Variants in RASL12 observed in about 807,000 individuals in gnomAD.
The protein encoded by RASL12 is RAS like family 12, also known as ras-like protein family member 12.
A neutral mutation model predicts 22.9 loss-of-function variants in RASL12; 16 were observed. The observed-to-expected ratio is 0.70, with a 90% confidence interval of 0.47 to 1.06. RASL12 has a LOEUF of 1.06. RASL12 is among the 50% of genes least tolerant of loss of function. The pLI is 0.00. For missense variants in RASL12, 306 were observed against 353.1 expected (o/e 0.87, Z 1.07); for synonymous variants, 159 against 152.2 (o/e 1.04, Z -0.33).
intron 2 of RASL12, among the ~76,000 whole-genome samples, chr15:65,061,846 T>G (rs1242343457): frequency 1.3e-5 from 2 of 151,936 alleles, no homozygotes; most frequent in African/African-American, 4.8e-5. Context: ...TCAGGAGTTC[T>G]AGACCATCCT....
chr15:65,051,016 G>A (rs147806139), downstream of RASL12, among the ~76,000 whole-genome samples: 59 of 151,662 alleles, frequency 3.9e-4, no homozygotes, highest in African/African-American at 1.4e-3. Context: ...GCTAATTTTT[G>A]TATTTTTAGT....
At chr15:65,068,203 C>G (rs988086660), upstream of RASL12, 2 of 992,952 alleles carry the variant, frequency 2.0e-6, no homozygotes, top group Non-Finnish European at 2.4e-6. This position sits in a 1 kb window ranked among gnomAD's most constrained non-coding sequence, Gnocchi z 4.2. Flanking sequence ...CAAACCCGGC[C>G]GGGAAGGAGC....
intron 1 of RASL12, among the ~76,000 whole-genome samples, chr15:65,065,543 G>T (rs2086866149): frequency 6.6e-6 from 1 of 152,124 alleles, no homozygotes; most frequent in African/African-American, 2.4e-5. Flanking sequence ...GGGGTGTTTG[G>T]AAGGTATGAA....
chr15:65,075,673 C>A (rs1364264189), intron 1 of RASL12, among the ~76,000 whole-genome samples: 2 of 151,786 alleles, frequency 1.3e-5, no homozygotes, highest in South Asian at 2.1e-4. Flanking sequence ...CCTGGAGAAC[C>A]TTTATGTCTA....
intron 2 of RASL12, among the ~76,000 whole-genome samples, chr15:65,063,990 A>G (rs1566955778): frequency 6.6e-6 from 1 of 152,208 alleles, no homozygotes; most frequent in Admixed American, 6.5e-5. Flanking sequence ...ATTGATTTTT[A>G]TGAATGGGGA....
chr15:65,058,826 G>C (rs2086767925), intron 3 of RASL12, among the ~76,000 whole-genome samples: 1 of 152,266 alleles, frequency 6.6e-6, no homozygotes, highest in Non-Finnish European at 1.5e-5. Context: ...CCCAGCCAGA[G>C]ACTTGGAGAC....
At chr15:65,052,027 A>G (rs2086660307), downstream of RASL12, among the ~76,000 whole-genome samples, 1 of 152,042 alleles carries the variant, frequency 6.6e-6, no homozygotes, top group Non-Finnish European at 1.5e-5. Context: ...TCCCTCCACT[A>G]TGGCCAGGAA....
chr15:65,064,683 G>A (rs547747164), intron 2 of RASL12, among the ~76,000 whole-genome samples: 48 of 151,732 alleles, frequency 3.2e-4, no homozygotes, highest in Middle Eastern at 6.8e-3. Context: ...TGCAATCTCC[G>A]CCTCCCGGGT....
At chr15:65,071,507 C>A (rs919498117), upstream of RASL12, among the ~76,000 whole-genome samples, 17 of 152,142 alleles carry the variant, frequency 1.1e-4, no homozygotes, top group African/African-American at 4.1e-4. Context: ...GATCCTCAGC[C>A]CAGCCTCAGG....
downstream of RASL12, chr15:65,053,307 T>C (rs1670): frequency 0.016 from 23,351 of 1,426,292 alleles, 1,748 homozygotes; most frequent in African/African-American, 0.22. Context: ...TCTTAGCAGA[T>C]ACAATGAATG....
intron 2 of RASL12, among the ~76,000 whole-genome samples, chr15:65,060,157 C>A (rs1038318029): frequency 2.6e-5 from 4 of 152,194 alleles, no homozygotes; most frequent in Admixed American, 2.6e-4. Context: ...GACATTAGCT[C>A]ATTTAACGGT....
downstream of RASL12, chr15:65,051,608 G>A (rs199611886): frequency 5.6e-5 from 91 of 1,613,026 alleles, no homozygotes; most frequent in Non-Finnish European, 7.5e-5. Flanking sequence ...GCAAGCAGGT[G>A]AGGAGCTGGT....
chr15:65,060,368 G>A (rs1313675309), intron 2 of RASL12, among the ~76,000 whole-genome samples: 1 of 152,148 alleles, frequency 6.6e-6, no homozygotes, highest in African/African-American at 2.4e-5. Context: ...GAGTTCCTGT[G>A]TACTCTTCAC....
chr15:65,059,299 G>A, intron 3 of RASL12, 46 bp downstream of exon 3: 2 of 1,525,138 alleles, frequency 1.3e-6, no homozygotes, highest in South Asian at 2.2e-5. Flanking sequence ...TTCTCAGGAG[G>A]CTATACTGAC....
chr15:65,068,794 G>A (rs1334858072), upstream of RASL12, among the ~76,000 whole-genome samples: 4 of 152,184 alleles, frequency 2.6e-5, no homozygotes, highest in Admixed American at 6.5e-5. The surrounding 1 kb of genome is among the most constrained non-coding windows in gnomAD (Gnocchi z 4.2). Context: ...CCCACACCAC[G>A]AACCTGGACA....
chr15:65,051,541 G>A (rs780186955), downstream of RASL12: 1 of 1,613,740 alleles, frequency 6.2e-7, no homozygotes, highest in Non-Finnish European at 8.5e-7. Context: ...TTCCATCCTT[G>A]CCCTGGCAGC....
At chr15:65,058,887 A>T (rs2086768563) in intron 3 of RASL12, among the ~76,000 whole-genome samples, 1 of 152,194 alleles carries the variant, frequency 6.6e-6, no homozygotes, top group South Asian at 2.1e-4. Flanking sequence ...CCCTACAGAG[A>T]CCTGGCTGTC....
intron 1 of RASL12, among the ~76,000 whole-genome samples, chr15:65,065,768 C>T (rs2086868665): frequency 6.6e-6 from 1 of 152,210 alleles, no homozygotes; most frequent in African/African-American, 2.4e-5. Flanking sequence ...AGTGCCTGGG[C>T]TTTCCAGGTA....
intron 3 of RASL12, 115 bp from the exon 4 acceptor site, chr15:65,058,732 G>C (rs2086766893): frequency 1.3e-6 from 1 of 777,314 alleles, no homozygotes; most frequent in Non-Finnish European, 1.9e-6. Flanking sequence ...TTGTTTCTCA[G>C]CAGAGCCCTT....
Sources: allele counts gnomAD v4.1 joint callset (sites outside exome capture counted in the v4.1 genomes callset), GRCh38; gene constraint gnomAD v4.1.1; non-coding constraint Gnocchi (gnomAD v3.1); transcripts MANE v1.5; gene names NCBI Gene and HGNC (gene_info 2026-07-23, HGNC 2026-07-21).